Variants in RER1 observed in about 807,000 individuals in gnomAD.
RER1 encodes the protein retention in endoplasmic reticulum sorting receptor 1.
A neutral mutation model predicts 28.3 loss-of-function variants in RER1; 6 were observed. The ratio of observed to expected loss-of-function variants is 0.21; its 90% CI spans 0.12 to 0.42. RER1 has a LOEUF of 0.42. RER1 is among the 10% of genes least tolerant of loss of function. The pLI is 1.00. For missense variants in RER1, 159 were observed against 252.9 expected (o/e 0.63, Z 2.52); for synonymous variants, 110 against 95.9 (o/e 1.15, Z -0.86).
intron 1 of RER1, chr1:2,394,544 C>T (rs1642739470): frequency 6.6e-6 from 1 of 152,216 alleles, no homozygotes; most frequent in Non-Finnish European, 1.5e-5. Context: ...ACTCTTTAGT[C>T]TTTGTGAGCT....
chr1:2,399,130 C>T (rs938900328), intron 3 of RER1, among the ~76,000 whole-genome samples: 1 of 152,214 alleles, frequency 6.6e-6, no homozygotes, highest in Non-Finnish European at 1.5e-5. Context: ...TGTGGGGCGT[C>T]TGTGGCTTCA....
At chr1:2,400,316 C>G (rs914142000) in intron 4 of RER1, among the ~76,000 whole-genome samples, 1 of 152,220 alleles carries the variant, frequency 6.6e-6, no homozygotes. Context: ...GGGAACACAG[C>G]CCCTCTCTGT....
At position 2,403,352 on chromosome 1, in the gene RER1, G is replaced by A. The variant is rs1160926560; in HGVS notation, c.*228G>A. On this transcript the variant is annotated 3_prime_UTR_variant, in exon 7 of 7. Transcript: ENST00000605895. ...GACGTTCAAGTGTTTCTCACGGATG[G>A]AATTCTAGTCAGCTGCAGGCGGGAA... The A allele has an allele frequency of 2.3e-5, 11 of 472,864 alleles. No homozygotes were observed. In the East Asian group the frequency reaches 4.4e-4, roughly 19 times the overall value. 29.3% of individuals were successfully genotyped at this position (472,864 alleles called of 1,614,324 possible).
At chr1:2,400,512 C>G (rs1642830136) in intron 4 of RER1, among the ~76,000 whole-genome samples, 1 of 152,220 alleles carries the variant, frequency 6.6e-6, no homozygotes, top group South Asian at 2.1e-4. Flanking sequence ...TCCTCGGCCC[C>G]GCCCTGTTCT....
rs1299506951 is a variant in RER1, at chr1:2,403,238, A to G, written c.*114A>G. 2.7e-6 allele frequency: 2 copies of G among 741,770 alleles called. No individual in the cohort carries two copies. Among genetic ancestry groups the G allele is most frequent in the Non-Finnish European group, 4.7e-6 (2 of 429,370 alleles). The allele number at this position is 741,770 out of a possible 1,614,324, so 45.9% of individuals were successfully genotyped here. On this transcript the variant is annotated 3_prime_UTR_variant, in exon 7 of 7. Transcript: ENST00000605895. Reference sequence around the variant, plus strand: ...TACGAGGGAGTCAAATTTTCTTTTTAAAAAGGAGCTTCAATGATTTGTAAC... The same window carrying G: ...TACGAGGGAGTCAAATTTTCTTTTTGAAAAGGAGCTTCAATGATTTGTAAC...
rs368163598 is a variant in RER1 at position 2,397,217 on chromosome 1, G to A, written c.183G>A (p.Leu61=). 1.1e-4 allele frequency: 181 copies of A among 1,608,818 alleles called. No individual in the cohort carries two copies. The highest frequency in any genetic ancestry group is 1.5e-4 in the Non-Finnish European group (178 of 1,175,310). The stretch of plus-strand genomic sequence containing the variant: ...TCTACATGATTCGAGTTTACCTGCT[G>A]CAGGTAGGTGTGGGCTGAAGTGACG... The part of the protein sequence containing the change: ...SFVYMIRVYL[L]QGWYIVTYAL... Residue 61 remains leucine, a synonymous_variant, in exon 3 of 7, where the codon CTG becomes CTA. Transcript: ENST00000605895.
rs748769958 is a variant in RER1, at chr1:2,403,777, T to C, written c.*653T>C. Reference sequence around the variant, plus strand: ...TTGTTTGAGATTATTTTGACACATTTCTTTGATACGTAGAGTGTTTTGTTT... The same window carrying C: ...TTGTTTGAGATTATTTTGACACATTCCTTTGATACGTAGAGTGTTTTGTTT... On this transcript the variant is annotated 3_prime_UTR_variant, in exon 7 of 7. Transcript: ENST00000605895. 1 of 152,622 alleles carries C rather than the reference T, an allele frequency of 6.6e-6. No individual in the cohort carries two copies. Among genetic ancestry groups the C allele is most frequent in the Non-Finnish European group, 1.5e-5 (1 of 68,050 alleles). 9.5% of individuals were successfully genotyped at this position (152,622 alleles called of 1,614,324 possible). A position where few individuals can be genotyped will look rare whatever the true frequency, so the allele number is the denominator to read the frequency against.
chr1:2,394,543 T>C (rs1238540159), intron 1 of RER1: 1 of 152,220 alleles, frequency 6.6e-6, no homozygotes, highest in Non-Finnish European at 1.5e-5. Context: ...AACTCTTTAG[T>C]CTTTGTGAGC....
At chr1:2,397,549 C>T (rs867298373) in intron 3 of RER1, among the ~76,000 whole-genome samples, 3 of 152,142 alleles carry the variant, frequency 2.0e-5, no homozygotes, top group Admixed American at 2.0e-4. Context: ...GACAAGGTTG[C>T]GCTCTGTGGC....
rs1642945684 is a variant in RER1, at chr1:2,404,869, A to G, written c.*1745A>G. On this transcript the variant is annotated 3_prime_UTR_variant, in exon 7 of 7. Transcript: ENST00000605895. Reference sequence around the variant, plus strand: ...ATGCCTACGGTGAACTCTCTGGCGCAGGTTAAATGCAGTTTTGAAAACCTG... The same window carrying G: ...ATGCCTACGGTGAACTCTCTGGCGCGGGTTAAATGCAGTTTTGAAAACCTG... The G allele has an allele frequency of 6.5e-6, 1 of 152,766 alleles. No homozygotes were observed. Among genetic ancestry groups the G allele is most frequent in the African/African-American group, 2.4e-5 (1 of 41,480 alleles). The allele number at this position is 152,766 out of a possible 1,614,324, so 9.5% of individuals were successfully genotyped here.
At chr1:2,401,702 A>C (rs1642866595) in intron 5 of RER1, among the ~76,000 whole-genome samples, 1 of 152,124 alleles carries the variant, frequency 6.6e-6, no homozygotes, top group African/African-American at 2.4e-5. Context: ...TTGCAGCCGC[A>C]GATGGAGTGT....
At position 2,402,403 on chromosome 1, in the gene RER1, G is replaced by A. The variant is rs984299069; in HGVS notation, c.501+61G>A. 1.9e-6 allele frequency: 3 copies of A among 1,607,764 alleles called. No homozygotes were observed. The African/African-American group carries it at 4.0e-5, about 21-fold the overall frequency. On this transcript the variant is annotated intron_variant, in intron 6 of 6. Coordinates refer to ENST00000605895, the MANE Select transcript of RER1 (RefSeq NM_007033.5). ...TCGCTGTTCTGTTACCCGCAGCATT[G>A]GGGGAGCTGTGCTGGGCTGTGGTGG...
intron 3 of RER1, among the ~76,000 whole-genome samples, chr1:2,398,949 A>G (rs1376198479): frequency 6.6e-6 from 1 of 152,194 alleles, no homozygotes; most frequent in Non-Finnish European, 1.5e-5. Context: ...TTGGAGGAAC[A>G]TCAGCCAGCA....
intron 3 of RER1, 131 bp from the exon 4 acceptor site, chr1:2,399,284 G>A (rs1481621859): frequency 2.9e-6 from 2 of 697,026 alleles, no homozygotes; most frequent in African/African-American, 1.8e-5. Flanking sequence ...TCCTTGCTAT[G>A]AGTAAGTTTT....
At position 2,405,406 on chromosome 1, in the gene RER1, A is replaced by G. The variant is rs1026796888; in HGVS notation, c.*2282A>G. The G allele has an allele frequency of 5.0e-6, 2 of 403,088 alleles. No individual in the cohort carries two copies. The highest frequency in any genetic ancestry group is 4.1e-5 in the African/African-American group (2 of 48,574). 25.0% of individuals were successfully genotyped at this position (403,088 alleles called of 1,614,324 possible). A position where few individuals can be genotyped will look rare whatever the true frequency, so the allele number is the denominator to read the frequency against. On this transcript the variant is annotated 3_prime_UTR_variant, in exon 7 of 7. Coordinates refer to ENST00000605895, the MANE Select transcript of RER1 (RefSeq NM_007033.5). ...AAGCCTGATGGGGCTGTTTTCTCAC[A>G]ATATAAACGAATAAAGTGTCTTCTG...
intron 4 of RER1, 96 bp downstream of exon 4, chr1:2,399,610 T>C: frequency 1.3e-6 from 1 of 763,548 alleles, no homozygotes; most frequent in South Asian, 1.4e-5. Context: ...CCGAGACTCT[T>C]CTCTTGGGGT....
intron 5 of RER1, among the ~76,000 whole-genome samples, chr1:2,401,777 C>G (rs908656632): frequency 2.0e-5 from 3 of 152,080 alleles, no homozygotes; most frequent in Non-Finnish European, 4.4e-5. Flanking sequence ...AGAGCTGAGC[C>G]TCCAGGGCCG....
At chr1:2,399,634 T>C (rs1197237168) in intron 4 of RER1, 120 bp downstream of exon 4, 3 of 678,132 alleles carry the variant, frequency 4.4e-6, no homozygotes, top group Middle Eastern at 3.9e-4. Flanking sequence ...AATGTACTTG[T>C]AATGTTGGGT....
In RER1 at chr1:2,403,201, A is replaced by G; in HGVS notation, c.*77A>G. 8.9e-7 allele frequency: 1 copy of G among 1,118,486 alleles called. No individual in the cohort carries two copies. The highest frequency in any genetic ancestry group is 1.4e-6 in the Non-Finnish European group (1 of 736,092). 69.3% of individuals were successfully genotyped at this position (1,118,486 alleles called of 1,614,324 possible). On this transcript the variant is annotated 3_prime_UTR_variant, in exon 7 of 7. Transcript: ENST00000605895. ...TTAACAATGCCTTTTTTCTTCACAT[A>G]AAGTAGTTGATTACGAGGGAGTCAA...
Sources: gnomAD v4.1 joint callset for allele counts (sites outside exome capture counted in the v4.1 genomes callset) on GRCh38, gnomAD v4.1.1 for gene constraint, MANE v1.5 for transcripts, NCBI Gene and HGNC (gene_info 2026-07-23, HGNC 2026-07-21) for gene names.